BOC: variants seen among roughly 807,000 people sequenced by gnomAD.
BOC encodes brother of CDO.
A neutral mutation model predicts 112.0 loss-of-function variants in BOC; 76 were observed. The ratio of observed to expected loss-of-function variants is 0.68; its 90% CI spans 0.56 to 0.82. The LOEUF is 0.82. BOC is among the 40% of genes least tolerant of loss of function. The pLI is 0.00. For synonymous variants in BOC, 580 were observed against 599.8 expected, an observed-to-expected ratio of 0.97 and a Z score of 0.48; for missense variants, 1,309 against 1,511.7, an observed-to-expected ratio of 0.87 and a Z score of 2.22.
chr3:113,240,818 G>A (rs181225432), intron 2 of BOC, among the ~76,000 whole-genome samples: 6 of 152,072 alleles, frequency 3.9e-5, no homozygotes, highest in African/African-American at 4.8e-5. Flanking sequence ...GAGCACTGGC[G>A]GGGGAAGATG....
chr3:113,233,148 G>GT (rs1553725801), intron 2 of BOC, among the ~76,000 whole-genome samples: 43 of 123,962 alleles, frequency 3.5e-4, no homozygotes, highest in Non-Finnish European at 1.7e-4. Context: ...AAAGGATTGG[G>GT]GTGTGTGTGT....
chr3:113,280,147 C>A, intron 13 of BOC, 142 bp downstream of exon 13: 1 of 891,276 alleles, frequency 1.1e-6, no homozygotes, highest in Non-Finnish European at 1.7e-6. Flanking sequence ...GTGGCTGGAG[C>A]TGCTCTAGTG....
intron 2 of BOC, among the ~76,000 whole-genome samples, chr3:113,245,873 C>T (rs538133119): frequency 4.9e-4 from 74 of 152,314 alleles, no homozygotes; most frequent in Middle Eastern, 6.8e-3. Context: ...TAGAAGCTTC[C>T]CTTTCTGACA....
chr3:113,259,074 A>G (rs747074520), intron 4 of BOC, among the ~76,000 whole-genome samples: 5 of 152,210 alleles, frequency 3.3e-5, no homozygotes, highest in Non-Finnish European at 7.3e-5. Context: ...CCCTGGTGCA[A>G]GTACCCAGAC....
Position 113,234,031 on chromosome 3 carries a change from T to G in BOC, c.-81-15691T>G, listed in dbSNP as rs547518507. On this transcript the variant is annotated intron_variant, in intron 2 of 19. Coordinates refer to ENST00000682979, the MANE Select transcript of BOC (RefSeq NM_001378074.1). ...GGACTAGTTAGGCCTGGAAAAGACC[T>G]TAGAGGTAGGAGGTCTTTACAGCTT... 1.8e-4 allele frequency among the ~76,000 whole-genome samples: 27 copies of G among 152,270 alleles called. No individual in the cohort carries two copies. The South Asian group carries it at 5.0e-3, about 28-fold the overall frequency.
At position 113,285,406 on chromosome 3, in the gene BOC, T is replaced by G. The variant is rs767805160; in HGVS notation, c.3001T>G (p.Leu1001Val). 6.2e-7 allele frequency: 1 copy of G among 1,613,656 alleles called. No individual in the cohort carries two copies. The highest frequency in any genetic ancestry group is 2.2e-5 in the East Asian group (1 of 44,876). The change falls in exon 19 of 20, where the codon TTA (leucine) becomes GTA (valine). Residue 1001 changes from leucine to valine, a missense_variant. Physicochemically the swap from Leu to Val is conservative, Grantham distance 32. Transcript: ENST00000682979. The stretch of plus-strand genomic sequence containing the variant: ...GTCTAGCCCGGACGAGGGCTCTTTC[T>G]TATACACACTGCCCGACGACTCCAC... ...PKSSPDEGSF[L>V]YTLPDDSTHQ...
At chr3:113,225,296 C>A (rs1182055297) in intron 2 of BOC, among the ~76,000 whole-genome samples, 1 of 151,548 alleles carries the variant, frequency 6.6e-6, no homozygotes, top group African/African-American at 2.4e-5. Context: ...CAAAAAAAAA[C>A]CCCAACTTCT....
At chr3:113,226,434 GACC>G (rs913433723) in intron 2 of BOC, among the ~76,000 whole-genome samples, 7 of 152,154 alleles carry the variant, frequency 4.6e-5, no homozygotes, top group African/African-American at 1.7e-4. Context: ...TGGTTTTACT[GACC>G]ACCATTCCAT....
rs138233485 is a variant in BOC at position 113,274,584 on chromosome 3, C to G, written c.1444C>G (p.Arg482Gly). 3 of 1,613,564 alleles carry G rather than the reference C, an allele frequency of 1.9e-6. No individual in the cohort carries two copies. Among genetic ancestry groups the G allele is most frequent in the Admixed American group, 1.7e-5 (1 of 60,012 alleles). ...AEAPIILSSP[R>G]TSKTDSYELV... Reference sequence around the variant, plus strand: ...GGCTCCCATCATCCTCAGCTCGCCCCGCACCTCCAAGACAGACTCATATGA... The same window carrying G: ...GGCTCCCATCATCCTCAGCTCGCCCGGCACCTCCAAGACAGACTCATATGA... The change falls in exon 9 of 20, where the codon CGC (arginine) becomes GGC (glycine). Residue 482 changes from arginine (R) to glycine (G), a missense_variant. Physicochemically the swap from Arg to Gly is moderately radical, Grantham distance 125. Coordinates refer to ENST00000682979, the MANE Select transcript of BOC (RefSeq NM_001378074.1). The surrounding 1 kb of genome is among the most constrained non-coding windows in gnomAD (Gnocchi z 4.8).
At chr3:113,252,647 G>A (rs1202491639) in intron 4 of BOC, among the ~76,000 whole-genome samples, 6 of 152,152 alleles carry the variant, frequency 3.9e-5, no homozygotes. Context: ...TCTTTTCTTG[G>A]GACAGTCAAG....
chr3:113,233,670 A>T (rs1386027221), intron 2 of BOC, among the ~76,000 whole-genome samples: 1 of 152,126 alleles, frequency 6.6e-6, no homozygotes, highest in Non-Finnish European at 1.5e-5. Context: ...CTCTGGGGGC[A>T]TGAAGAGCTG....
intron 2 of BOC, among the ~76,000 whole-genome samples, chr3:113,233,419 G>A (rs932012622): frequency 6.6e-6 from 1 of 152,076 alleles, no homozygotes; most frequent in Non-Finnish European, 1.5e-5. Context: ...AATTGGAATT[G>A]GTAGTAATTA....
chr3:113,234,810 C>T (rs1943198490), intron 2 of BOC, among the ~76,000 whole-genome samples: 1 of 152,192 alleles, frequency 6.6e-6, no homozygotes, highest in Non-Finnish European at 1.5e-5. Context: ...GAGCCATATC[C>T]TGTTGCCTTT....
chr3:113,235,540 A>G (rs1943309579), intron 2 of BOC, among the ~76,000 whole-genome samples: 1 of 152,220 alleles, frequency 6.6e-6, no homozygotes, highest in African/African-American at 2.4e-5. Flanking sequence ...AAGTAGAGAC[A>G]CTGTGAAGAA....
chr3:113,222,376 A>G (rs1185177150), intron 2 of BOC, among the ~76,000 whole-genome samples: 1 of 152,132 alleles, frequency 6.6e-6, no homozygotes, highest in Non-Finnish European at 1.5e-5. Context: ...TTACATATAG[A>G]TTTATGTAAG....
At chr3:113,229,112 G>T (rs1243520842) in intron 2 of BOC, among the ~76,000 whole-genome samples, 3 of 152,196 alleles carry the variant, frequency 2.0e-5, no homozygotes, top group Non-Finnish European at 2.9e-5. Flanking sequence ...CTCTGAGGTG[G>T]GGTAGAGGGT....
At chr3:113,277,946 C>T in intron 9 of BOC, 149 bp from the exon 10 acceptor site, 1 of 996,262 alleles carries the variant, frequency 1.0e-6, no homozygotes, top group Non-Finnish European at 1.5e-6. Flanking sequence ...GGGGGCCAGT[C>T]CGAGGCTGTG....
At chr3:113,224,086 CT>C (rs1941233753) in intron 2 of BOC, among the ~76,000 whole-genome samples, 1 of 152,236 alleles carries the variant, frequency 6.6e-6, no homozygotes. Context: ...GTTTGTTTTA[CT>C]TGCTTTGGAG....
intron 4 of BOC, among the ~76,000 whole-genome samples, chr3:113,257,003 G>A (rs1359980039): frequency 2.0e-5 from 3 of 152,108 alleles, no homozygotes. Context: ...CCCCACTAGG[G>A]AGGGTAATTA....
Sources: allele counts gnomAD v4.1 joint callset (sites outside exome capture counted in the v4.1 genomes callset), GRCh38; gene constraint gnomAD v4.1.1; non-coding constraint Gnocchi (gnomAD v3.1); transcripts MANE v1.5; gene names NCBI Gene and HGNC (gene_info 2026-07-23, HGNC 2026-07-21).